ELAPOR1: variants seen among roughly 807,000 people sequenced by gnomAD.
The protein encoded by ELAPOR1 is endosome-lysosome associated apoptosis and autophagy regulator 1.
Under a neutral mutation model 119.7 loss-of-function variants are expected in ELAPOR1, and 77 were observed. The ratio of observed to expected loss-of-function variants is 0.64; its 90% confidence interval spans 0.54 to 0.78. ELAPOR1 has a LOEUF of 0.78. Ranked by LOEUF, ELAPOR1 falls within the 30% of genes least tolerant of loss-of-function variation. The pLI, the probability that ELAPOR1 is intolerant of heterozygous loss-of-function variation, is 0.00. For synonymous variants in ELAPOR1, 481 were observed against 487.2 expected, an observed-to-expected ratio of 0.99 and a Z score of 0.17; for missense variants, 1,115 against 1,270.4, an observed-to-expected ratio of 0.88 and a Z score of 1.86.
intron 7 of ELAPOR1, 52 bp from the exon 8 acceptor site, chr1:109,184,993 G>A (rs1652957551): frequency 1.4e-6 from 2 of 1,429,668 alleles, no homozygotes; most frequent in Admixed American, 3.3e-5. Context: ...GAGGCCAGGA[G>A]CTCAGCTTTC....
At chr1:109,152,163 T>C (rs990317803) in intron 1 of ELAPOR1, among the ~76,000 whole-genome samples, 1 of 152,280 alleles carries the variant, frequency 6.6e-6, no homozygotes, top group Admixed American at 6.5e-5. Flanking sequence ...CGTGAGCCAC[T>C]GCGCCCCGCT....
rs187793023 is a variant in ELAPOR1 at position 109,201,789 on chromosome 1, G to A, written c.2973+889G>A. ...CTCTTGAGTCTATCTGGGACTGCTA[G>A]AATTCAGCAAAGGTGCAAAGCAGGG... On this transcript the variant is annotated intron_variant, in intron 21 of 21. Transcript: ENST00000369939. Among the ~76,000 whole-genome samples, 390 of 152,276 alleles carry A rather than the reference G, an allele frequency of 2.6e-3. 3 individuals are homozygous for A. The highest frequency in any genetic ancestry group is 3.8e-3 in the Non-Finnish European group (259 of 68,026).
chr1:109,195,355 G>A (rs1653720854), intron 15 of ELAPOR1, among the ~76,000 whole-genome samples: 1 of 152,066 alleles, frequency 6.6e-6, no homozygotes, highest in African/African-American at 2.4e-5. Flanking sequence ...TTAGCCGGGC[G>A]TGGTGGCGGG....
At chr1:109,117,300 T>C (rs1183332512) in intron 1 of ELAPOR1, among the ~76,000 whole-genome samples, 1 of 152,236 alleles carries the variant, frequency 6.6e-6, no homozygotes, top group Non-Finnish European at 1.5e-5. Flanking sequence ...TTCGTTTTCA[T>C]GAATCGTTTC....
chr1:109,153,913 T>C (rs185782486), intron 1 of ELAPOR1, among the ~76,000 whole-genome samples: 2 of 152,224 alleles, frequency 1.3e-5, no homozygotes, highest in East Asian at 3.9e-4. Flanking sequence ...TTTTTTATTC[T>C]AGTCTGTATT....
intron 8 of ELAPOR1, among the ~76,000 whole-genome samples, chr1:109,186,327 CTG>C (rs1261869176): frequency 6.6e-6 from 1 of 152,126 alleles, no homozygotes; most frequent in African/African-American, 2.4e-5. Context: ...GCTGAGCTGT[CTG>C]TATCCCTAAG....
In ELAPOR1 at chr1:109,194,486, C is replaced by T. The variant is rs151127495; in HGVS notation, c.2013C>T (p.Tyr671=). The change falls in exon 15 of 22, where the codon TAC becomes TAT. Residue 671 remains tyrosine, a synonymous_variant. Coordinates refer to ENST00000369939, the MANE Select transcript of ELAPOR1 (RefSeq NM_020775.5). ...SRNTPTRTFN[Y]NFSALANTVT... The stretch of plus-strand genomic sequence containing the variant: ...ACACTCCGACCAGGACTTTCAACTA[C>T]AACTTCTCCGCTTTGGCAAACACTG... 784 of 1,613,788 alleles carry T rather than the reference C, an allele frequency of 4.9e-4. 5 individuals carry two copies. Among genetic ancestry groups the T allele is most frequent in the South Asian group, 1.4e-3 (127 of 91,072 alleles).
At chr1:109,183,482 T>C (rs138191141) in intron 7 of ELAPOR1, among the ~76,000 whole-genome samples, 1 of 152,334 alleles carries the variant, frequency 6.6e-6, no homozygotes, top group Non-Finnish European at 1.5e-5. Context: ...AGAGCTAACA[T>C]TGAAAGGAGG....
chr1:109,147,178 A>T (rs1232053173), intron 1 of ELAPOR1, among the ~76,000 whole-genome samples: 2 of 151,890 alleles, frequency 1.3e-5, no homozygotes, highest in Admixed American at 1.3e-4. Flanking sequence ...AGCCTCCCAA[A>T]GTGCTGGGAT....
chr1:109,200,308 T>C (rs1326712309), intron 20 of ELAPOR1, 71 bp downstream of exon 20: 1 of 1,540,978 alleles, frequency 6.5e-7, no homozygotes, highest in Non-Finnish European at 8.9e-7. Flanking sequence ...TATCTGAAAG[T>C]ATAAATTAAT....
chr1:109,158,744 T>C (rs1651051500), intron 1 of ELAPOR1, among the ~76,000 whole-genome samples: 1 of 152,116 alleles, frequency 6.6e-6, no homozygotes, highest in African/African-American at 2.4e-5. Context: ...TTTATGCAAA[T>C]TATATACTTT....
intron 1 of ELAPOR1, among the ~76,000 whole-genome samples, chr1:109,127,108 A>G (rs978958100): frequency 2.0e-5 from 3 of 151,932 alleles, no homozygotes; most frequent in Admixed American, 6.6e-5. Context: ...ACCAGATAAA[A>G]GAACACAACA....
chr1:109,166,167 G>A (rs1032263997), intron 3 of ELAPOR1, among the ~76,000 whole-genome samples: 4 of 151,350 alleles, frequency 2.6e-5, no homozygotes, highest in African/African-American at 7.3e-5. Context: ...CACCTGCCTC[G>A]GCCTCCCAAA....
intron 7 of ELAPOR1, among the ~76,000 whole-genome samples, chr1:109,177,207 T>C (rs866338892): frequency 0.16 from 15,836 of 98,414 alleles, 1 homozygote; most frequent in African/African-American, 0.27. Flanking sequence ...CCTCACCTCC[T>C]GGACGGGGCG....
intron 1 of ELAPOR1, among the ~76,000 whole-genome samples, chr1:109,148,253 CTCAGTCCCCCGAGTAGCTGGGATT>C (rs1558032233): frequency 2.0e-5 from 2 of 100,806 alleles, no homozygotes; most frequent in African/African-American, 5.5e-5. Flanking sequence ...ATTCTCCTGC[CTCAGTCCCCCGAGTAGCTGGGATT>C]ACAGGCACCC....
chr1:109,172,616 A>G (rs929323566), intron 5 of ELAPOR1, 48 bp downstream of exon 5: 33 of 1,432,366 alleles, frequency 2.3e-5, no homozygotes, highest in Non-Finnish European at 3.2e-5. Context: ...AAAGGGACCC[A>G]GGGCCTTTCC....
chr1:109,156,428 G>A (rs927883738), intron 1 of ELAPOR1, among the ~76,000 whole-genome samples: 3 of 152,130 alleles, frequency 2.0e-5, no homozygotes, highest in African/African-American at 7.2e-5. Flanking sequence ...CACCACCATC[G>A]TCATTATCCA....
Position 109,200,394 on chromosome 1 carries a change from A to G in ELAPOR1, c.2807+157A>G, listed in dbSNP as rs538624258. On this transcript the variant is annotated intron_variant, in intron 20 of 21. Coordinates refer to ENST00000369939, the MANE Select transcript of ELAPOR1 (RefSeq NM_020775.5). ...GGTTTGGTTATCCTGACTCCTGAAC[A>G]GGGATGGTACCACGTGGCAGTCTAT... Among the ~76,000 whole-genome samples the G allele has an allele frequency of 3.9e-5, 6 of 152,350 alleles. No individual in the cohort carries two copies. In the South Asian group the frequency reaches 1.2e-3, roughly 32 times the overall value.
At position 109,173,775 on chromosome 1, in the gene ELAPOR1, C is replaced by T; in HGVS notation, c.890C>T (p.Ala297Val). Reference sequence around the variant, plus strand: ...TCCTCTTTCTGCAAACTTTGCCCAGCCAACTCTTATTCAAATAAAGGAGAA... The same window carrying T: ...TCCTCTTTCTGCAAACTTTGCCCAGTCAACTCTTATTCAAATAAAGGAGAA... ...QGSSFCKLCP[A>V]NSYSNKGETS... Residue 297 changes from alanine to valine, a missense_variant, in exon 7 of 22, where the codon GCC becomes GTC. By Grantham distance (64) the Ala-to-Val change is moderately conservative. Transcript: ENST00000369939. The T allele has an allele frequency of 1.2e-6, 2 of 1,614,164 alleles. No individual in the cohort carries two copies. The highest frequency in any genetic ancestry group is 1.7e-4 in the Middle Eastern group (1 of 6,060).
Sources: allele counts gnomAD v4.1 joint callset (sites outside exome capture counted in the v4.1 genomes callset), GRCh38; gene constraint gnomAD v4.1.1; transcripts MANE v1.5; gene names NCBI Gene and HGNC (gene_info 2026-07-23, HGNC 2026-07-21).